Variants in PITPNC1 observed in about 807,000 individuals in gnomAD.
The protein encoded by PITPNC1 is cytoplasmic phosphatidylinositol transfer protein 1.
Under a neutral mutation model 44.7 loss-of-function variants are expected in PITPNC1, and 18 were observed. The ratio of observed to expected loss-of-function variants is 0.40; its 90% CI spans 0.28 to 0.60. The LOEUF is 0.60. Among genes scored for constraint, PITPNC1 ranks in the 20% least tolerant of loss-of-function variants. The probability of loss-of-function intolerance (pLI) is 0.39; values close to 1 mark genes in which losing one functional copy is unlikely to be tolerated. For synonymous variants in PITPNC1, 141 were observed against 149.6 expected (o/e 0.94, Z 0.42); for missense variants, 290 against 418.4 (o/e 0.69, Z 2.68).
chr17:67,486,178 TCTG>T (rs1380755319), intron 1 of PITPNC1, among the ~76,000 whole-genome samples: 1 of 152,184 alleles, frequency 6.6e-6, no homozygotes, highest in Non-Finnish European at 1.5e-5. Context: ...TTATGGTCAT[TCTG>T]CTGTTTAAAT....
At chr17:67,691,358 A>C (rs7226140) in intron 8 of PITPNC1, among the ~76,000 whole-genome samples, 1 of 151,996 alleles carries the variant, frequency 6.6e-6, no homozygotes, top group Non-Finnish European at 1.5e-5. Flanking sequence ...AGAACATTTC[A>C]GGTATTTGGA....
In PITPNC1 at chr17:67,465,291, C is replaced by T. The variant is rs185874149; in HGVS notation, c.49-67511C>T. 1.9e-3 allele frequency among the ~76,000 whole-genome samples: 292 copies of T among 152,082 alleles called. 4 individuals carry two copies. In the South Asian group the frequency reaches 0.036, roughly 19 times the overall value. On this transcript the variant is annotated intron_variant, in intron 1 of 8. Coordinates refer to ENST00000581322, the MANE Select transcript of PITPNC1 (RefSeq NM_012417.4). The stretch of plus-strand genomic sequence containing the variant: ...GAGCAGAGGAAAATGAGAAAGGGGA[C>T]GAAGGGAATGTAATAGAATGTGTGT...
rs1016659132 is a variant in PITPNC1, at chr17:67,628,642, C to T, written c.367-3501C>T. Among the ~76,000 whole-genome samples the T allele has an allele frequency of 7.8e-4, 118 of 152,148 alleles. 1 individual carries two copies. The highest frequency in any genetic ancestry group is 2.8e-3 in the African/African-American group (115 of 41,428). ...GGTTCACAGTGGTTGAGCAGCAGAG[C>T]GCCCTCTGGGGTGCAGGCCAGAGGA... On this transcript the variant is annotated intron_variant, in intron 5 of 8. Transcript: ENST00000581322.
intron 1 of PITPNC1, among the ~76,000 whole-genome samples, chr17:67,444,696 A>G (rs1490722594): frequency 6.6e-6 from 1 of 152,100 alleles, no homozygotes; most frequent in Non-Finnish European, 1.5e-5. Context: ...CAGGAGTTCG[A>G]GATCAGCCTG....
chr17:67,548,462 G>T (rs1259071616), intron 2 of PITPNC1, among the ~76,000 whole-genome samples: 1 of 152,124 alleles, frequency 6.6e-6, no homozygotes, highest in Non-Finnish European at 1.5e-5. Flanking sequence ...GTGGTGGCAT[G>T]CACCTGTAAT....
At chr17:67,587,811 CG>C (rs1568054090) in intron 5 of PITPNC1, among the ~76,000 whole-genome samples, 1 of 152,166 alleles carries the variant, frequency 6.6e-6, no homozygotes, top group African/African-American at 2.4e-5. Flanking sequence ...GTGCCTCCTT[CG>C]GGTAAATTGC....
intron 6 of PITPNC1, among the ~76,000 whole-genome samples, chr17:67,636,775 A>T (rs1203607567): frequency 6.6e-6 from 1 of 152,192 alleles, no homozygotes; most frequent in African/African-American, 2.4e-5. Flanking sequence ...TAAACACACC[A>T]GGGACTGGGA....
chr17:67,493,706 A>T (rs2039892328), intron 1 of PITPNC1, among the ~76,000 whole-genome samples: 1 of 152,178 alleles, frequency 6.6e-6, no homozygotes, highest in Non-Finnish European at 1.5e-5. Flanking sequence ...AAGTGTGGTG[A>T]TGGTACCTCA....
At chr17:67,468,193 T>A (rs2039454933) in intron 1 of PITPNC1, among the ~76,000 whole-genome samples, 1 of 152,124 alleles carries the variant, frequency 6.6e-6, no homozygotes, top group Admixed American at 6.6e-5. Context: ...TAGAAGTGTC[T>A]AGTACAACCA....
At position 67,693,756 on chromosome 17, in the gene PITPNC1, C is replaced by G. The variant is rs2042967597; in HGVS notation, c.*868C>G. 6.6e-6 allele frequency: 1 copy of G among 152,224 alleles called. No individual in the cohort carries two copies. Among genetic ancestry groups the G allele is most frequent in the Non-Finnish European group, 1.5e-5 (1 of 68,034 alleles). 9.4% of individuals were successfully genotyped at this position (152,224 alleles called of 1,614,324 possible). ...TAATTGAATAGAATTCATTTACTATCTGCCCACTCAAAGAAGTACAAGGGT... is the reference window on the plus strand; with the variant it reads ...TAATTGAATAGAATTCATTTACTATGTGCCCACTCAAAGAAGTACAAGGGT... On this transcript the variant is annotated 3_prime_UTR_variant, in exon 9 of 9. Transcript: ENST00000581322.
At chr17:67,590,053 A>G (rs1422870033) in intron 5 of PITPNC1, among the ~76,000 whole-genome samples, 1 of 152,142 alleles carries the variant, frequency 6.6e-6, no homozygotes, top group East Asian at 1.9e-4. Flanking sequence ...GGCTACCTAC[A>G]GTGGGGGTGT....
chr17:67,579,635 T>C (rs865957988), intron 5 of PITPNC1, among the ~76,000 whole-genome samples: 1,875 of 146,700 alleles, frequency 0.013, 42 homozygotes, highest in African/African-American at 0.045. Context: ...TTTTTTTTTT[T>C]TTTTTTTCTG....
intron 5 of PITPNC1, 107 bp downstream of exon 5, chr17:67,578,364 G>T: frequency 4.0e-6 from 3 of 750,910 alleles, no homozygotes; most frequent in Non-Finnish European, 7.0e-6. Context: ...CCTGTGCCTG[G>T]GACCTCAGAG....
chr17:67,537,290 TATG>T (rs1471142242), intron 2 of PITPNC1, among the ~76,000 whole-genome samples: 1 of 152,202 alleles, frequency 6.6e-6, no homozygotes, highest in African/African-American at 2.4e-5. Context: ...TTGCAGATAA[TATG>T]ATTGTCTGAT....
chr17:67,533,695 C>T (rs1249028723), intron 2 of PITPNC1, among the ~76,000 whole-genome samples: 8 of 152,218 alleles, frequency 5.3e-5, no homozygotes, highest in Non-Finnish European at 1.0e-4. Context: ...ACAAAACAAA[C>T]AGTCACCTGT....
At chr17:67,635,593 G>A (rs1373331437) in intron 6 of PITPNC1, among the ~76,000 whole-genome samples, 3 of 152,198 alleles carry the variant, frequency 2.0e-5, no homozygotes, top group African/African-American at 7.2e-5. Flanking sequence ...CCTGGGGATG[G>A]ATGAGAGGAA....
intron 5 of PITPNC1, among the ~76,000 whole-genome samples, chr17:67,592,899 A>T (rs2041411383): frequency 6.6e-6 from 1 of 152,178 alleles, no homozygotes; most frequent in Non-Finnish European, 1.5e-5. Flanking sequence ...TTAGCCAGGC[A>T]TGGTGATGTA....
intron 4 of PITPNC1, among the ~76,000 whole-genome samples, chr17:67,562,858 A>G (rs1156569956): frequency 1.3e-5 from 2 of 152,210 alleles, no homozygotes; most frequent in East Asian, 3.8e-4. Context: ...GTGGGGTAAA[A>G]TTTCTATCAA....
chr17:67,610,111 T>TA (rs2041667653), intron 5 of PITPNC1, among the ~76,000 whole-genome samples: 2 of 152,136 alleles, frequency 1.3e-5, no homozygotes, highest in South Asian at 2.1e-4. Flanking sequence ...GCCTCAAACA[T>TA]AATATGCCCA....
Sources: allele counts gnomAD v4.1 joint callset (sites outside exome capture counted in the v4.1 genomes callset), GRCh38; gene constraint gnomAD v4.1.1; transcripts MANE v1.5; gene names NCBI Gene and HGNC (gene_info 2026-07-23, HGNC 2026-07-21).